The following BRINP1 variants were observed in gnomAD, a reference collection of about 807,000 sequenced individuals.
The protein encoded by BRINP1 is BMP/retinoic acid-inducible neural-specific protein 1.
A neutral mutation model predicts 72.9 loss-of-function variants in BRINP1; 17 were observed. That is an observed-to-expected ratio of 0.23 (90% CI 0.16 to 0.35). The LOEUF is 0.35. BRINP1 is among the 10% of genes least tolerant of loss of function. BRINP1 has a pLI of 1.00. For missense variants in BRINP1, 850 were observed against 1,001.6 expected (o/e 0.85, Z 2.04); for synonymous variants, 418 against 378.5 (o/e 1.10, Z -1.21).
chr9:119,339,091 G>C (rs1311033281), intron 1 of BRINP1, among the ~76,000 whole-genome samples: 1 of 152,162 alleles, frequency 6.6e-6, no homozygotes, highest in Non-Finnish European at 1.5e-5. Flanking sequence ...TACTAATCCT[G>C]TTTTCTTCTA....
intron 1 of BRINP1, among the ~76,000 whole-genome samples, chr9:119,360,685 G>A (rs1039315752): frequency 1.3e-5 from 2 of 152,072 alleles, no homozygotes; most frequent in African/African-American, 4.8e-5. Context: ...AATCTGTAAC[G>A]TGGCTAAACG....
intron 1 of BRINP1, among the ~76,000 whole-genome samples, chr9:119,342,664 C>T (rs1394144294): frequency 1.3e-5 from 2 of 152,182 alleles, no homozygotes; most frequent in Admixed American, 6.5e-5. Flanking sequence ...ATATATAAGA[C>T]CTGTAAGACT....
intron 1 of BRINP1, among the ~76,000 whole-genome samples, chr9:119,319,278 C>A (rs1453154428): frequency 1.3e-5 from 2 of 152,176 alleles, no homozygotes; most frequent in Non-Finnish European, 2.9e-5. Flanking sequence ...TATGTTTCAA[C>A]CTGCTTTGTT....
chr9:119,201,836 G>C (rs1829808395), intron 7 of BRINP1, among the ~76,000 whole-genome samples: 1 of 152,164 alleles, frequency 6.6e-6, no homozygotes, highest in African/African-American at 2.4e-5. Context: ...ACAGGAACCA[G>C]CTAAATTCAG....
At chr9:119,247,680 AAAAAGAG>A (rs1830338062) in intron 3 of BRINP1, among the ~76,000 whole-genome samples, 1 of 146,774 alleles carries the variant, frequency 6.8e-6, no homozygotes, top group African/African-American at 2.5e-5. Flanking sequence ...AAAAAAAAAA[AAAAAGAG>A]ATGACTGACA....
At chr9:119,198,834 G>A (rs941456967) in intron 7 of BRINP1, among the ~76,000 whole-genome samples, 1 of 151,948 alleles carries the variant, frequency 6.6e-6, no homozygotes, top group Non-Finnish European at 1.5e-5. Flanking sequence ...ACCACGCCAG[G>A]CTGATTTTTG....
intron 2 of BRINP1, among the ~76,000 whole-genome samples, chr9:119,299,168 C>A (rs1404046566): frequency 1.3e-5 from 2 of 152,094 alleles, no homozygotes; most frequent in African/African-American, 4.8e-5. Flanking sequence ...GTTGAACAAT[C>A]GATCTTAAAT....
chr9:119,343,046 C>T (rs528566838), intron 1 of BRINP1, among the ~76,000 whole-genome samples: 53 of 152,258 alleles, frequency 3.5e-4, no homozygotes, highest in Middle Eastern at 3.4e-3. Flanking sequence ...CATGTAAAGC[C>T]GTTAGCAGAG....
At position 119,242,064 on chromosome 9, in the gene BRINP1, A is replaced by C. The variant is rs1830256251; in HGVS notation, c.562T>G (p.Ser188Ala). 1 of 1,613,782 alleles carries C rather than the reference A, an allele frequency of 6.2e-7. No homozygotes were observed. Among genetic ancestry groups the C allele is most frequent in the Admixed American group, 1.7e-5 (1 of 60,000 alleles). Residue 188 changes from serine (S) to alanine (A), a missense_variant, in exon 4 of 8, where the codon TCA becomes GCA. Transcript: ENST00000265922. ...TMRRLHEIQISTGAIKVTETR... is the reference protein window; with the variant it reads ...TMRRLHEIQIATGAIKVTETR... ...AGCTGTACCTTGATTGCTCCAGTTG[A>C]TATCTGGATCTCATGAAGCCTCCTC...
At chr9:119,180,580 C>T (rs1402041775) in intron 7 of BRINP1, among the ~76,000 whole-genome samples, 1 of 151,886 alleles carries the variant, frequency 6.6e-6, no homozygotes, top group East Asian at 1.9e-4. Flanking sequence ...ACTTGAGATT[C>T]CGCTGAAAAC....
chr9:119,187,834 G>C (rs1318043346), intron 7 of BRINP1, among the ~76,000 whole-genome samples: 2 of 152,102 alleles, frequency 1.3e-5, no homozygotes, highest in African/African-American at 4.8e-5. Context: ...AAAACTTCAA[G>C]ATCTGGGAGA....
chr9:119,307,684 T>C (rs969126621), intron 2 of BRINP1, among the ~76,000 whole-genome samples: 2 of 152,188 alleles, frequency 1.3e-5, no homozygotes, highest in Admixed American at 6.5e-5. Flanking sequence ...AAAGAAGCAA[T>C]ACGCAAGCTG....
intron 1 of BRINP1, among the ~76,000 whole-genome samples, chr9:119,367,174 C>T (rs1831700452): frequency 7.6e-6 from 1 of 132,066 alleles, no homozygotes; most frequent in African/African-American, 2.9e-5. Flanking sequence ...GCTTTTATCT[C>T]TCCCCAGAAT....
intron 7 of BRINP1, among the ~76,000 whole-genome samples, chr9:119,193,147 A>AT (rs1039822373): frequency 2.0e-5 from 3 of 152,048 alleles, no homozygotes; most frequent in East Asian, 1.9e-4. Flanking sequence ...TTTTATTAAA[A>AT]TTTTTTTTAT....
intron 2 of BRINP1, among the ~76,000 whole-genome samples, chr9:119,286,638 T>A (rs112472074): frequency 6.6e-6 from 1 of 152,254 alleles, no homozygotes; most frequent in East Asian, 1.9e-4. Flanking sequence ...GAAATTTTGA[T>A]GTAGCTGTGT....
intron 5 of BRINP1, among the ~76,000 whole-genome samples, chr9:119,233,675 A>G (rs1830167188): frequency 6.6e-6 from 1 of 152,234 alleles, no homozygotes; most frequent in South Asian, 2.1e-4. Flanking sequence ...ATACATACAA[A>G]TAAAGCATGT....
At chr9:119,197,971 TAAC>T (rs1829757934) in intron 7 of BRINP1, among the ~76,000 whole-genome samples, 2 of 152,136 alleles carry the variant, frequency 1.3e-5, no homozygotes, top group Admixed American at 6.5e-5. Flanking sequence ...AAAGGGGAAG[TAAC>T]AAAAAAATCT....
intron 2 of BRINP1, among the ~76,000 whole-genome samples, chr9:119,298,851 C>G (rs1425835435): frequency 2.6e-5 from 4 of 152,280 alleles, no homozygotes; most frequent in Middle Eastern, 3.4e-3. Context: ...ATACTATTAC[C>G]TGCTTTCTTT....
chr9:119,267,497 G>A (rs1830558925), intron 2 of BRINP1, among the ~76,000 whole-genome samples: 1 of 151,886 alleles, frequency 6.6e-6, no homozygotes, highest in South Asian at 2.1e-4. Context: ...TTAGCCAGGT[G>A]TGGTGGCGGG....
Sources: allele counts gnomAD v4.1 joint callset (sites outside exome capture counted in the v4.1 genomes callset), GRCh38; gene constraint gnomAD v4.1.1; transcripts MANE v1.5; gene names NCBI Gene and HGNC (gene_info 2026-07-23, HGNC 2026-07-21).